Variants in CDHR2 observed in about 807,000 individuals in gnomAD.
CDHR2 encodes cadherin related family member 2, also known as cadherin-related family member 2.
A neutral mutation model predicts 138.6 loss-of-function variants in CDHR2; 104 were observed. That is an observed-to-expected ratio of 0.75 (90% CI 0.64 to 0.88). The LOEUF (loss-of-function observed/expected upper bound fraction) is 0.88, where lower values mean the gene tolerates loss of function less well. Among genes scored for constraint, CDHR2 ranks in the 40% least tolerant of loss-of-function variants. The pLI is 0.00. For synonymous variants in CDHR2, 755 were observed against 742.8 expected, an observed-to-expected ratio of 1.02 and a Z score of -0.27; for missense variants, 1,624 against 1,727.6, an observed-to-expected ratio of 0.94 and a Z score of 1.06.
At position 176,568,813 on chromosome 5, in the gene CDHR2, A is replaced by G; in HGVS notation, c.260A>G (p.Tyr87Cys). The part of the protein sequence containing the change: ...GEVKLASALD[Y>C]ETLYTFKVTI... ...GTGAAGCTGGCCAGCGCTCTGGACTACGAGGTAAAGAGCATCAGCCGGAGA... is the reference window on the plus strand; with the variant it reads ...GTGAAGCTGGCCAGCGCTCTGGACTGCGAGGTAAAGAGCATCAGCCGGAGA... The change falls in exon 4 of 32, where the codon TAC (tyrosine) becomes TGC (cysteine). Residue 87 changes from tyrosine to cysteine, a missense_variant. Transcript: ENST00000261944. 6.2e-7 allele frequency: 1 copy of G among 1,614,124 alleles called. No individual in the cohort carries two copies. Among genetic ancestry groups the G allele is most frequent in the Non-Finnish European group, 8.5e-7 (1 of 1,179,988 alleles).
At chr5:176,580,161 C>T (rs1238138584) in intron 16 of CDHR2, among the ~76,000 whole-genome samples, 1 of 148,914 alleles carries the variant, frequency 6.7e-6, no homozygotes, top group Non-Finnish European at 1.5e-5. Flanking sequence ...CACACACTCA[C>T]ACACGCACTC....
intron 24 of CDHR2, 111 bp from the exon 25 acceptor site, chr5:176,589,967 C>A: frequency 1.2e-6 from 1 of 863,324 alleles, no homozygotes; most frequent in South Asian, 1.4e-5. Context: ...ACAGAGCTGT[C>A]CAGAGGAGGT....
chr5:176,553,922 G>A lies in CDHR2; in HGVS notation c.-16+4508G>A, dbSNP rs1426445191. ...CTCACTCACTGCCCTTGACTCCAGC[G>A]CTATGATGTCACTCTCCAGGGTGTA... On this transcript the variant is annotated intron_variant, in intron 1 of 31. Coordinates refer to ENST00000261944, the MANE Select transcript of CDHR2 (RefSeq NM_017675.6). The surrounding 1 kb of genome is among the most constrained non-coding windows in gnomAD (Gnocchi z 4.3). 6.6e-6 allele frequency among the ~76,000 whole-genome samples: 1 copy of A among 152,266 alleles called. No homozygotes were observed. The highest frequency in any genetic ancestry group is 1.5e-5 in the Non-Finnish European group (1 of 68,016).
At chr5:176,546,745 CAAAAAAA>C (rs10719325), upstream of CDHR2, among the ~76,000 whole-genome samples, 537 of 61,318 alleles carry the variant, frequency 8.8e-3, 7 homozygotes, top group African/African-American at 0.029. Flanking sequence ...ACATGGTGCT[CAAAAAAA>C]AAAAAAAAAA....
At chr5:176,557,216 T>C (rs13178694) in intron 1 of CDHR2, among the ~76,000 whole-genome samples, 2 of 151,478 alleles carry the variant, frequency 1.3e-5, no homozygotes, top group Non-Finnish European at 2.9e-5. Flanking sequence ...TTGCTTTTTT[T>C]GTTTTTTGAG....
At chr5:176,574,267 T>C (rs1758306545) in intron 7 of CDHR2, 95 bp downstream of exon 7, 18 of 940,898 alleles carry the variant, frequency 1.9e-5, no homozygotes, top group Middle Eastern at 2.2e-4. Flanking sequence ...GGTGGGGACA[T>C]TGGTCCTGCC....
intron 31 of CDHR2, 80 bp downstream of exon 31, chr5:176,592,860 C>T: frequency 8.2e-7 from 1 of 1,220,398 alleles, no homozygotes; most frequent in Non-Finnish European, 1.2e-6. Context: ...GCTCAAGGGA[C>T]CTGCTACTGA....
chr5:176,584,082 G>T, intron 17 of CDHR2, 108 bp from the exon 18 acceptor site: 1 of 911,622 alleles, frequency 1.1e-6, no homozygotes, highest in Non-Finnish European at 1.8e-6. Context: ...GAGGTCTGAG[G>T]CACTAGTAGA....
chr5:176,574,998 C>A, intron 7 of CDHR2, 86 bp from the exon 8 acceptor site: 3 of 1,532,114 alleles, frequency 2.0e-6, no homozygotes, highest in South Asian at 1.2e-5. Context: ...AGTGGCAGAG[C>A]TGGGACCTTC....
intron 15 of CDHR2, 133 bp downstream of exon 15, chr5:176,578,228 G>T: frequency 8.2e-7 from 1 of 1,222,276 alleles, no homozygotes; most frequent in African/African-American, 1.5e-5. Context: ...GATAAACAAG[G>T]AATGACTTTT....
At chr5:176,571,144 C>A in intron 5 of CDHR2, 69 bp from the exon 6 acceptor site, 2 of 954,686 alleles carry the variant, frequency 2.1e-6, no homozygotes, top group Non-Finnish European at 3.2e-6. Context: ...GCTCTTTGTA[C>A]GATACTTGCA....
intron 6 of CDHR2, among the ~76,000 whole-genome samples, chr5:176,572,970 A>C (rs941133152): frequency 5.3e-5 from 8 of 152,234 alleles, no homozygotes; most frequent in African/African-American, 1.9e-4. Flanking sequence ...AGCACGAGAC[A>C]AGGCAAAGTC....
intron 5 of CDHR2, among the ~76,000 whole-genome samples, chr5:176,569,335 G>C (rs1295055682): frequency 6.7e-6 from 1 of 149,486 alleles, no homozygotes; most frequent in African/African-American, 2.5e-5. Context: ...CCAGGCTGGA[G>C]TGCAGTGGCG....
chr5:176,574,994 A>C, intron 7 of CDHR2, 90 bp from the exon 8 acceptor site: 20 of 1,504,268 alleles, frequency 1.3e-5, no homozygotes, highest in Non-Finnish European at 1.5e-5. Flanking sequence ...GGTCAGTGGC[A>C]GAGCTGGGAC....
chr5:176,554,765 AT>A (rs1327057598), intron 1 of CDHR2, among the ~76,000 whole-genome samples: 1 of 152,158 alleles, frequency 6.6e-6, no homozygotes, highest in Non-Finnish European at 1.5e-5. Flanking sequence ...GGTTCACACC[AT>A]TCTCTGGCCT....
chr5:176,589,617 G>A lies in CDHR2; in HGVS notation c.3206+1G>A, dbSNP rs200931823. 2.9e-5 allele frequency: 47 copies of A among 1,613,738 alleles called. 1 individual carries two copies. The highest frequency in any genetic ancestry group is 4.5e-5 in the East Asian group (2 of 44,890). ...GCGCCAACAGACAGGCGATTAATGC[G>A]TAGGTCTGGGGAGCCCCGGAGGGAG... On this transcript the variant is annotated splice_donor_variant, in intron 24 of 31. Transcript: ENST00000261944. LOFTEE classifies it high-confidence loss of function.
At position 176,575,387 on chromosome 5, in the gene CDHR2, G is replaced by A. The variant is rs754682591; in HGVS notation, c.729G>A (p.Arg243=). The change falls in exon 9 of 32, where the codon AGG becomes AGA. Residue 243 remains arginine, a synonymous_variant. Coordinates refer to ENST00000261944, the MANE Select transcript of CDHR2 (RefSeq NM_017675.6). ...DQPDLDPQFV[R]EFYSASVAED... is the part of the protein sequence containing the mutation. ...CTGACCTTGACCCCCAGTTTGTCAG[G>A]GAGTTTTACTCGGCCTCTGTGGCTG... is the stretch of plus-strand genomic sequence containing the variant. The A allele has an allele frequency of 1.2e-5, 20 of 1,614,106 alleles. No individual in the cohort carries two copies. The East Asian group carries it at 3.8e-4, about 31-fold the overall frequency.
At chr5:176,561,979 A>G (rs1757977650) in intron 1 of CDHR2, among the ~76,000 whole-genome samples, 1 of 152,122 alleles carries the variant, frequency 6.6e-6, no homozygotes, top group African/African-American at 2.4e-5. Context: ...TGCATCAGCC[A>G]GCAAGGCGGG....
intron 1 of CDHR2, among the ~76,000 whole-genome samples, chr5:176,562,447 G>A (rs909622445): frequency 6.6e-6 from 1 of 152,038 alleles, no homozygotes; most frequent in Non-Finnish European, 1.5e-5. Flanking sequence ...TCGGGAGGAG[G>A]GGTGGGCAGT....
Sources: gnomAD v4.1 joint callset for allele counts (sites outside exome capture counted in the v4.1 genomes callset) on GRCh38, gnomAD v4.1.1 for gene constraint, Gnocchi (gnomAD v3.1) non-coding constraint, MANE v1.5 for transcripts, NCBI Gene and HGNC (gene_info 2026-07-23, HGNC 2026-07-21) for gene names.